RADX: variants seen among roughly 807,000 people sequenced by gnomAD.
RADX encodes the protein RPA-related protein RADX.
In RADX, 36 loss-of-function variants were observed where a neutral mutation model predicts 61.6. That is an observed-to-expected ratio of 0.58 (90% CI 0.45 to 0.77). The LOEUF (loss-of-function observed/expected upper bound fraction) is 0.77, where lower values mean the gene tolerates loss of function less well. RADX is among the 30% of genes least tolerant of loss of function. RADX has a pLI of 0.00. For missense variants in RADX, 497 were observed against 651.1 expected, an observed-to-expected ratio of 0.76 and a Z score of 2.58; for synonymous variants, 272 against 237.9, an observed-to-expected ratio of 1.14 and a Z score of -1.32.
intron 11 of RADX, among the ~76,000 whole-genome samples, chrX:106,659,234 G>A (rs1486397442): frequency 8.9e-6 from 1 of 111,931 alleles, no homozygotes; most frequent in East Asian, 2.8e-4. Context: ...TCCTGCCTCA[G>A]GCTCCTGAAG....
rs1927267082 is a variant in RADX at position 106,632,834 on chromosome X, C to G, written c.1089-98C>G. 7 of 930,593 alleles carry G rather than the reference C, an allele frequency of 7.5e-6. No homozygotes were observed. The South Asian group carries it at 1.5e-4, about 20-fold the overall frequency. 76.7% of individuals were successfully genotyped at this position (930,593 alleles called of 1,213,427 possible). On this transcript the variant is annotated intron_variant, in intron 4 of 13. Coordinates refer to ENST00000372548, the MANE Select transcript of RADX (RefSeq NM_018015.6). ...TGCTCAAAATCTACCCAGAATTAAG[C>G]TATAGCAATTATGTAGATATACATT...
Position 106,668,906 on chromosome X carries a change from T to C in RADX, c.2270-257T>C, listed in dbSNP as rs543524109. Among the ~76,000 whole-genome samples the C allele has an allele frequency of 8.4e-4, 95 of 112,452 alleles. 1 individual carries two copies. The South Asian group carries it at 0.033, about 40-fold the overall frequency. On this transcript the variant is annotated intron_variant, in intron 12 of 13. Transcript: ENST00000372548. ...TGTCCTTTGGATAGTAAGATTCCAATCTTCCATCAGTAGGGGAAACCTTTT... is the reference window on the plus strand; with the variant it reads ...TGTCCTTTGGATAGTAAGATTCCAACCTTCCATCAGTAGGGGAAACCTTTT...
intron 12 of RADX, among the ~76,000 whole-genome samples, chrX:106,667,573 C>T (rs1453304098): frequency 9.0e-6 from 1 of 111,206 alleles, no homozygotes; most frequent in African/African-American, 3.3e-5. Flanking sequence ...AATCCACCCA[C>T]CTCGGCCTCC....
intron 3 of RADX, among the ~76,000 whole-genome samples, chrX:106,630,370 A>G (rs1401863860): frequency 9.1e-6 from 1 of 110,297 alleles, no homozygotes; most frequent in Non-Finnish European, 1.9e-5. Context: ...ACACCTAATA[A>G]TGGGTATTTA....
rs185702869 is a variant in RADX, at chrX:106,654,633, C to T, written c.1978+6247C>T. Among the ~76,000 whole-genome samples, 499 of 111,503 alleles carry T rather than the reference C, an allele frequency of 4.5e-3. 1 individual carries two copies. Among genetic ancestry groups the T allele is most frequent in the Non-Finnish European group, 6.7e-3 (355 of 53,072 alleles). ...AGATGGATTAGACTTAAACGTAAGA[C>T]CTAAATCCATAAAAACCCTAGAAAA... On this transcript the variant is annotated intron_variant, in intron 11 of 13. Coordinates refer to ENST00000372548, the MANE Select transcript of RADX (RefSeq NM_018015.6).
intron 11 of RADX, among the ~76,000 whole-genome samples, chrX:106,650,231 G>C (rs1285906330): frequency 9.0e-6 from 1 of 111,118 alleles, no homozygotes; most frequent in South Asian, 3.8e-4. Flanking sequence ...GACCTGTGCA[G>C]CATGGAAGTA....
At chrX:106,634,491 A>G (rs1683270331) in intron 6 of RADX, among the ~76,000 whole-genome samples, 1 of 111,540 alleles carries the variant, frequency 9.0e-6, no homozygotes, top group African/African-American at 3.3e-5. Context: ...TAGAACACCA[A>G]GAGACCTAGA....
chrX:106,641,297 CCTTCT>C (rs1193930785), intron 10 of RADX, among the ~76,000 whole-genome samples: 4 of 109,655 alleles, frequency 3.6e-5, no homozygotes. Context: ...AAATTCCTGT[CCTTCT>C]CATATGCAAA....
In RADX at chrX:106,631,029, G is replaced by T. The variant is rs573718422; in HGVS notation, c.980-1596G>T. ...GAAATTATAACTTGAAAACATCATT[G>T]ACATTGTCAACAATAACTATAAGAT... is the stretch of plus-strand genomic sequence containing the variant. On this transcript the variant is annotated intron_variant, in intron 3 of 13. Transcript: ENST00000372548. 5.5e-4 allele frequency among the ~76,000 whole-genome samples: 62 copies of T among 111,916 alleles called. 1 individual carries two copies. The South Asian group carries it at 0.023, about 42-fold the overall frequency.
intron 11 of RADX, among the ~76,000 whole-genome samples, chrX:106,656,882 C>T (rs190565463): frequency 2.6e-3 from 286 of 111,396 alleles, no homozygotes; most frequent in African/African-American, 9.2e-3. Flanking sequence ...CTTAAGGGCC[C>T]CAGGACTTTT....
In RADX at chrX:106,671,527, T is replaced by C. The variant is rs1346046619; in HGVS notation, c.2437+2197T>C. On this transcript the variant is annotated intron_variant, in intron 13 of 13. Coordinates refer to ENST00000372548, the MANE Select transcript of RADX (RefSeq NM_018015.6). ...CTGGAAAAGACATAATTTCATTCTT[T>C]TTATGGCTAAATAGTATTCCACAGG... 7.1e-5 allele frequency among the ~76,000 whole-genome samples: 8 copies of C among 111,945 alleles called. No homozygotes were observed. The East Asian group carries it at 2.2e-3, about 31-fold the overall frequency.
chrX:106,676,855 T>C (rs1229337704), intron 13 of RADX, among the ~76,000 whole-genome samples: 1 of 111,664 alleles, frequency 9.0e-6, no homozygotes, highest in Non-Finnish European at 1.9e-5. Context: ...CTTCTCAGCC[T>C]TTTTCTGACC....
At chrX:106,646,791 A>T (rs1377093663) in intron 10 of RADX, among the ~76,000 whole-genome samples, 1 of 111,626 alleles carries the variant, frequency 9.0e-6, no homozygotes, top group Non-Finnish European at 1.9e-5. Flanking sequence ...TGTTTCCCAT[A>T]ATTTTTGAAC....
intron 10 of RADX, among the ~76,000 whole-genome samples, chrX:106,645,827 T>C (rs1212293401): frequency 9.0e-6 from 1 of 111,085 alleles, no homozygotes; most frequent in Admixed American, 9.6e-5. Context: ...TCTAGAAGAT[T>C]TGTCCAGTGC....
At chrX:106,619,547 T>C (rs1448322682) in intron 1 of RADX, among the ~76,000 whole-genome samples, 2 of 112,084 alleles carry the variant, frequency 1.8e-5, no homozygotes, top group Admixed American at 9.5e-5. Context: ...AATTTTCTTA[T>C]AAAACAATGT....
At chrX:106,652,994 A>G (rs1569427242) in intron 11 of RADX, among the ~76,000 whole-genome samples, 1 of 108,061 alleles carries the variant, frequency 9.3e-6, no homozygotes, top group Non-Finnish European at 1.9e-5. Context: ...AAAAAAAAAA[A>G]AAAAAAACCT....
At chrX:106,649,045 T>C (rs1927732261) in intron 11 of RADX, among the ~76,000 whole-genome samples, 1 of 111,477 alleles carries the variant, frequency 9.0e-6, no homozygotes. Flanking sequence ...AATTGGAGCA[T>C]TGTGAACAAG....
At chrX:106,642,864 C>T (rs1037254417) in intron 10 of RADX, among the ~76,000 whole-genome samples, 1 of 111,596 alleles carries the variant, frequency 9.0e-6, no homozygotes, top group Non-Finnish European at 1.9e-5. Context: ...ATTTACATTC[C>T]CACCAACAAC....
intron 13 of RADX, among the ~76,000 whole-genome samples, chrX:106,671,898 C>T (rs1412282801): frequency 3.6e-5 from 4 of 111,295 alleles, no homozygotes; most frequent in African/African-American, 1.3e-4. Flanking sequence ...AACCTTTTAT[C>T]ATGTGTTACA....
Sources: allele counts gnomAD v4.1 joint callset (sites outside exome capture counted in the v4.1 genomes callset), GRCh38; gene constraint gnomAD v4.1.1; transcripts MANE v1.5; gene names NCBI Gene and HGNC (gene_info 2026-07-23, HGNC 2026-07-21).